The following ANK1 variants were observed in gnomAD, a reference collection of about 807,000 sequenced individuals.
The protein encoded by ANK1 is ankyrin-1.
A neutral mutation model predicts 210.4 loss-of-function variants in ANK1; 51 were observed. That is an observed-to-expected ratio of 0.24 (90% CI 0.19 to 0.31). The LOEUF (loss-of-function observed/expected upper bound fraction) is 0.31, where lower values mean the gene tolerates loss of function less well. ANK1 is among the 10% of genes least tolerant of loss of function. The pLI is 1.00. For synonymous variants in ANK1, 967 were observed against 1,025.9 expected, an observed-to-expected ratio of 0.94 and a Z score of 1.10; for missense variants, 2,051 against 2,504.4, an observed-to-expected ratio of 0.82 and a Z score of 3.86.
At chr8:41,841,540 T>C (rs1808897848) in intron 1 of ANK1, among the ~76,000 whole-genome samples, 1 of 152,124 alleles carries the variant, frequency 6.6e-6, no homozygotes, top group South Asian at 2.1e-4. Flanking sequence ...GGCTAAGTGT[T>C]CTTACCACAA....
chr8:41,863,189 T>A (rs1057257506), intron 1 of ANK1, among the ~76,000 whole-genome samples: 1 of 151,692 alleles, frequency 6.6e-6, no homozygotes, highest in African/African-American at 2.4e-5. Context: ...AAACCCCATC[T>A]CTACTAAAAA....
At chr8:41,693,463 G>A (rs566206302) in intron 29 of ANK1, among the ~76,000 whole-genome samples, 7 of 92,610 alleles carry the variant, frequency 7.6e-5, no homozygotes, top group East Asian at 3.8e-4. Context: ...TTGAGATGGC[G>A]TTTCATGCTT....
At chr8:41,748,762 G>A (rs1463652975) in intron 2 of ANK1, among the ~76,000 whole-genome samples, 9 of 152,358 alleles carry the variant, frequency 5.9e-5, no homozygotes, top group Admixed American at 3.3e-4. Flanking sequence ...GAAGCCAGGC[G>A]CGGTGGCTTA....
At chr8:41,684,258 G>A (rs569788840) in intron 37 of ANK1, among the ~76,000 whole-genome samples, 39 of 152,348 alleles carry the variant, frequency 2.6e-4, no homozygotes, top group Non-Finnish European at 5.0e-4. Context: ...CATACACCAC[G>A]CCCTGTGGGG....
At chr8:41,870,933 G>A (rs1815361661) in intron 1 of ANK1, among the ~76,000 whole-genome samples, 1 of 152,090 alleles carries the variant, frequency 6.6e-6, no homozygotes, top group Non-Finnish European at 1.5e-5. Flanking sequence ...CCTGGCTCTC[G>A]AATGGGCACG....
At chr8:41,761,652 A>G (rs569184336) in intron 1 of ANK1, among the ~76,000 whole-genome samples, 48 of 152,242 alleles carry the variant, frequency 3.2e-4, no homozygotes, top group African/African-American at 1.1e-3. Flanking sequence ...ACCATGGGAA[A>G]CTCATGCACA....
chr8:41,864,099 A>C (rs1813819806), intron 1 of ANK1, among the ~76,000 whole-genome samples: 1 of 151,906 alleles, frequency 6.6e-6, no homozygotes, highest in Non-Finnish European at 1.5e-5. Flanking sequence ...AAATACAAAA[A>C]ATTAGCCAGG....
At chr8:41,782,392 T>C (rs1845523293) in intron 1 of ANK1, among the ~76,000 whole-genome samples, 1 of 152,142 alleles carries the variant, frequency 6.6e-6, no homozygotes, top group South Asian at 2.1e-4. Context: ...CTCCTGCAGG[T>C]CCCTTAATGT....
Position 41,717,146 on chromosome 8 carries a change from GGGTTTTTGTCCAAGA to G in ANK1, c.1306-110_1306-96del. 3 of 1,388,200 alleles carry G rather than the reference GGGTTTTTGTCCAAGA, an allele frequency of 2.2e-6. 1 individual carries two copies. The South Asian group carries it at 3.5e-5, about 16-fold the overall frequency. 86.0% of individuals were successfully genotyped at this position (1,388,200 alleles called of 1,614,324 possible). On this transcript the variant is annotated intron_variant, in intron 12 of 42. Transcript: ENST00000289734. ...GAAGTGCAGTCTGGAGTGGCTTGGT[GGGTTTTTGTCCAAGA>G]GGTGGAGTTGCCCCAGCAGGCAGCT...
At position 41,688,960 on chromosome 8, in the gene ANK1, A is replaced by C. The variant is rs558878250; in HGVS notation, c.4105-371T>G. 5.9e-5 allele frequency among the ~76,000 whole-genome samples: 9 copies of C among 152,322 alleles called. No individual in the cohort carries two copies. The South Asian group carries it at 1.2e-3, about 21-fold the overall frequency. On this transcript the variant is annotated intron_variant, in intron 33 of 42. Transcript: ENST00000289734. ...TTCCTTGCCCAAGATCACCCAGTTA[A>C]TATGCAATGGAGCTGGGGTTGAACT...
At chr8:41,856,874 C>CTTTTTTTTTT (rs35341809) in intron 1 of ANK1, among the ~76,000 whole-genome samples, 9 of 95,250 alleles carry the variant, frequency 9.4e-5, no homozygotes, top group African/African-American at 4.3e-4. Context: ...TAACAGCCCT[C>CTTTTTTTTTT]TTTTTTTTTT....
chr8:41,805,245 T>TTC lies in ANK1; in HGVS notation c.127-47110_127-47109dup, dbSNP rs150007263. ...TCTCTGTCTCTCTCTCTTTGTCTCT[T>TTC]TCTCTCTCTCTCTCTCTCTCTGATT... On this transcript the variant is annotated intron_variant, in intron 1 of 42. Transcript: ENST00000265709. Among the ~76,000 whole-genome samples the TTC allele has an allele frequency of 1.2e-3, 175 of 144,850 alleles. 2 individuals carry two copies. The highest frequency in any genetic ancestry group is 9.4e-3 in the South Asian group (43 of 4,582).
chr8:41,798,700 A>T (rs1362910678), upstream of ANK1, among the ~76,000 whole-genome samples: 6 of 152,010 alleles, frequency 3.9e-5, no homozygotes, highest in Admixed American at 3.9e-4. Context: ...GCCTCCCTGG[A>T]CCCTGGGGGT....
At chr8:41,776,091 G>A (rs1012608385) in intron 1 of ANK1, among the ~76,000 whole-genome samples, 1 of 152,134 alleles carries the variant, frequency 6.6e-6, no homozygotes, top group Non-Finnish European at 1.5e-5. Flanking sequence ...TGCCTGGGGT[G>A]GTGCATGAAA....
chr8:41,714,017 T>C (rs1326968116), intron 16 of ANK1, 139 bp downstream of exon 16: 1 of 525,292 alleles, frequency 1.9e-6, no homozygotes, highest in East Asian at 3.5e-5. Context: ...TGTGGGAAAG[T>C]GAGGCGTGAT....
At chr8:41,665,140 C>A in intron 39 of ANK1, 1 of 1,539,546 alleles carries the variant, frequency 6.5e-7, no homozygotes, top group Non-Finnish European at 8.7e-7. Context: ...TGCATTCCCC[C>A]TCCCTATCTC....
upstream of ANK1, among the ~76,000 whole-genome samples, chr8:41,799,912 G>A (rs912506854): frequency 2.4e-4 from 37 of 152,232 alleles, no homozygotes; most frequent in African/African-American, 7.7e-4. Flanking sequence ...ATTCACCCCT[G>A]GAAGCAGCTG....
At position 41,734,019 on chromosome 8, in the gene ANK1, C is replaced by T; in HGVS notation, c.180G>A (p.Met60Ile). The change falls in exon 3 of 43, where the codon ATG (methionine) becomes ATA (isoleucine). Residue 60 changes from methionine to isoleucine, a missense_variant. Physicochemically the swap from Met to Ile is conservative, Grantham distance 10. Coordinates refer to ENST00000289734, the MANE Select transcript of ANK1 (RefSeq NM_000037.4). ...TTTCTTTGTGCAGAAGTTCAACCAC[C>T]ATTTTCACATGGCCTTCCTTAGAAG... ...HLASKEGHVKMVVELLHKEII... is the reference protein window; with the variant it reads ...HLASKEGHVKIVVELLHKEII... The T allele has an allele frequency of 3.7e-6, 6 of 1,614,244 alleles. 1 individual carries two copies. Among genetic ancestry groups the T allele is most frequent in the South Asian group, 2.2e-5 (2 of 91,086 alleles).
intron 1 of ANK1, among the ~76,000 whole-genome samples, chr8:41,860,157 G>A (rs1036802621): frequency 6.6e-6 from 1 of 152,206 alleles, no homozygotes; most frequent in African/African-American, 2.4e-5. Flanking sequence ...CTGTGTGCTA[G>A]ATGGACATTT....
Sources: allele counts gnomAD v4.1 joint callset (sites outside exome capture counted in the v4.1 genomes callset), GRCh38; gene constraint gnomAD v4.1.1; transcripts MANE v1.5; gene names NCBI Gene and HGNC (gene_info 2026-07-23, HGNC 2026-07-21).